Variants in KCND2 observed in about 807,000 individuals in gnomAD.
KCND2 encodes A-type voltage-gated potassium channel KCND2.
KCND2 carries 16 observed loss-of-function variants against 54.4 expected under a neutral mutation model. That is an observed-to-expected ratio of 0.29 (90% CI 0.20 to 0.45). The LOEUF (loss-of-function observed/expected upper bound fraction) is 0.45, where lower values mean the gene tolerates loss of function less well. Ranked by LOEUF, KCND2 falls within the 20% of genes least tolerant of loss-of-function variation. The pLI is 1.00. For synonymous variants in KCND2, 317 were observed against 310.7 expected, an observed-to-expected ratio of 1.02 and a Z score of -0.21; for missense variants, 486 against 824.2, an observed-to-expected ratio of 0.59 and a Z score of 5.02.
In KCND2 at chr7:120,727,944, G is replaced by A. The variant is rs898039021; in HGVS notation, c.1116-4959G>A. ...AAGTCAGGAGATCAAGACCATCCTGGCCAACATGGTGAAACCCCTTCTCTA... is the reference window on the plus strand; with the variant it reads ...AAGTCAGGAGATCAAGACCATCCTGACCAACATGGTGAAACCCCTTCTCTA... On this transcript the variant is annotated intron_variant, in intron 1 of 5. Transcript: ENST00000331113. Among the ~76,000 whole-genome samples the A allele has an allele frequency of 3.9e-5, 6 of 151,944 alleles. No individual in the cohort carries two copies. The South Asian group carries it at 1.0e-3, about 26-fold the overall frequency.
intron 1 of KCND2, among the ~76,000 whole-genome samples, chr7:120,606,328 C>G (rs976557934): frequency 1.3e-5 from 2 of 152,088 alleles, no homozygotes; most frequent in Non-Finnish European, 2.9e-5. Context: ...TAAACATTTT[C>G]TGAGCCATCT....
chr7:120,447,648 C>G (rs2116210157), intron 1 of KCND2, among the ~76,000 whole-genome samples: 1 of 152,240 alleles, frequency 6.6e-6, no homozygotes, highest in Middle Eastern at 3.4e-3. Context: ...CAGCTCAAAA[C>G]TGCCTAACAG....
chr7:120,740,557 T>G (rs1562925142), intron 2 of KCND2, among the ~76,000 whole-genome samples: 1 of 152,082 alleles, frequency 6.6e-6, no homozygotes, highest in Admixed American at 6.6e-5. Context: ...CGAGACTGTT[T>G]CCATGACGGT....
At chr7:120,339,725 T>C (rs1056043800) in intron 1 of KCND2, among the ~76,000 whole-genome samples, 1 of 151,926 alleles carries the variant, frequency 6.6e-6, no homozygotes, top group Non-Finnish European at 1.5e-5. Flanking sequence ...ATTATTGAGA[T>C]AGTAGAGAGT....
intron 1 of KCND2, among the ~76,000 whole-genome samples, chr7:120,573,827 C>T (rs571498014): frequency 6.6e-6 from 1 of 152,030 alleles, no homozygotes; most frequent in Non-Finnish European, 1.5e-5. Context: ...AGCACCAATT[C>T]TATAATAGCC....
At chr7:120,456,394 A>G (rs1271937649) in intron 1 of KCND2, among the ~76,000 whole-genome samples, 2 of 152,150 alleles carry the variant, frequency 1.3e-5, no homozygotes, top group Admixed American at 1.3e-4. Context: ...TTTAGTTGAT[A>G]TTATTTGGCA....
rs1791971816 is a variant in KCND2, at chr7:120,540,897, T to C, written c.1116-192006T>C. On this transcript the variant is annotated intron_variant, in intron 1 of 5. Coordinates refer to ENST00000331113, the MANE Select transcript of KCND2 (RefSeq NM_012281.3). ...ATAACTAAAAAATATTTTGTAAGAGTGTAATGTTAACTTACTGACTTGATA... is the reference window on the plus strand; with the variant it reads ...ATAACTAAAAAATATTTTGTAAGAGCGTAATGTTAACTTACTGACTTGATA... Among the ~76,000 whole-genome samples, 5 of 152,306 alleles carry C rather than the reference T, an allele frequency of 3.3e-5. No homozygotes were observed. In the South Asian group the frequency reaches 1.0e-3, roughly 32 times the overall value.
intron 1 of KCND2, among the ~76,000 whole-genome samples, chr7:120,484,717 A>ACG (rs1245585732): frequency 6.6e-6 from 1 of 151,742 alleles, no homozygotes; most frequent in Non-Finnish European, 1.5e-5. Context: ...ACACACACAC[A>ACG]CACACACACA....
At chr7:120,332,595 T>C (rs1448569739) in intron 1 of KCND2, among the ~76,000 whole-genome samples, 1 of 152,104 alleles carries the variant, frequency 6.6e-6, no homozygotes, top group Admixed American at 6.5e-5. Flanking sequence ...TCTTAAATGC[T>C]TCGCTGAATG....
rs2116241251 is a variant in KCND2 at position 120,274,491 on chromosome 7, C to G, written c.-142C>G. 1.2e-5 allele frequency: 11 copies of G among 897,132 alleles called. No homozygotes were observed. The South Asian group carries it at 1.6e-4, about 13-fold the overall frequency. The allele number at this position is 897,132 out of a possible 1,614,324, so 55.6% of individuals were successfully genotyped here. On this transcript the variant is annotated 5_prime_UTR_variant, in exon 1 of 6. Coordinates refer to ENST00000331113, the MANE Select transcript of KCND2 (RefSeq NM_012281.3). ...GAGAACTGTGACTTTACCAGGAGCC[C>G]TATCTTGGAATAAGAGTTACACCTC...
At chr7:120,657,461 C>A (rs1197397015) in intron 1 of KCND2, among the ~76,000 whole-genome samples, 1 of 152,070 alleles carries the variant, frequency 6.6e-6, no homozygotes, top group Non-Finnish European at 1.5e-5. Flanking sequence ...TACCCTTAGG[C>A]CTCTGTTATA....
At chr7:120,387,160 A>AG (rs1476569299) in intron 1 of KCND2, among the ~76,000 whole-genome samples, 1 of 152,132 alleles carries the variant, frequency 6.6e-6, no homozygotes, top group African/African-American at 2.4e-5. Flanking sequence ...CAGCTAGAAC[A>AG]GTGTCAGCCA....
intron 1 of KCND2, among the ~76,000 whole-genome samples, chr7:120,580,715 CTACTTTACTATCTTA>C (rs1457975940): frequency 6.6e-6 from 1 of 152,090 alleles, no homozygotes; most frequent in Non-Finnish European, 1.5e-5. Flanking sequence ...GCTTGACAAG[CTACTTTACTATCTTA>C]TACTTTCTGC....
intron 2 of KCND2, among the ~76,000 whole-genome samples, chr7:120,736,436 AT>A (rs1287745821): frequency 6.6e-6 from 1 of 152,018 alleles, no homozygotes; most frequent in Non-Finnish European, 1.5e-5. Context: ...AGATTTATTG[AT>A]TCTCGTAGTT....
chr7:120,511,963 T>C (rs1350325568), intron 1 of KCND2, among the ~76,000 whole-genome samples: 1 of 152,108 alleles, frequency 6.6e-6, no homozygotes, highest in Non-Finnish European at 1.5e-5. Context: ...TATGCTTCCT[T>C]TTCATTCAGT....
chr7:120,455,858 G>T (rs2116227839), intron 1 of KCND2, among the ~76,000 whole-genome samples: 1 of 152,186 alleles, frequency 6.6e-6, no homozygotes. Flanking sequence ...TACCTATTAA[G>T]TACTATGCTT....
chr7:120,714,969 T>C (rs1346237560), intron 1 of KCND2, among the ~76,000 whole-genome samples: 1 of 152,070 alleles, frequency 6.6e-6, no homozygotes, highest in African/African-American at 2.4e-5. Context: ...AAATTAGTGA[T>C]TGAGAATCAA....
At chr7:120,467,505 A>T (rs1584791136) in intron 1 of KCND2, among the ~76,000 whole-genome samples, 2 of 152,118 alleles carry the variant, frequency 1.3e-5, no homozygotes, top group South Asian at 4.1e-4. Context: ...TCTCAAGAAA[A>T]TAAAGTTTCA....
chr7:120,614,579 C>G (rs1348486547), intron 1 of KCND2, among the ~76,000 whole-genome samples: 1 of 152,196 alleles, frequency 6.6e-6, no homozygotes, highest in Non-Finnish European at 1.5e-5. Flanking sequence ...ATATTCCTTT[C>G]TCACTTATAT....
Sources: allele counts gnomAD v4.1 joint callset (sites outside exome capture counted in the v4.1 genomes callset), GRCh38; gene constraint gnomAD v4.1.1; transcripts MANE v1.5; gene names NCBI Gene and HGNC (gene_info 2026-07-23, HGNC 2026-07-21).